The following CNOT10 variants were observed in gnomAD, a reference collection of about 807,000 sequenced individuals.
CNOT10 encodes the protein CCR4-NOT transcription complex, subunit 10.
Under a neutral mutation model 94.6 loss-of-function variants are expected in CNOT10, and 30 were observed. The ratio of observed to expected loss-of-function variants is 0.32; its 90% CI spans 0.24 to 0.43. The LOEUF is 0.43. CNOT10 is among the 20% of genes least tolerant of loss of function. The pLI is 1.00. For synonymous variants in CNOT10, 289 were observed against 301.6 expected, an observed-to-expected ratio of 0.96 and a Z score of 0.43; for missense variants, 759 against 877.2, an observed-to-expected ratio of 0.87 and a Z score of 1.70.
intron 5 of CNOT10, among the ~76,000 whole-genome samples, chr3:32,714,480 G>A (rs527932144): frequency 2.0e-5 from 3 of 151,482 alleles, no homozygotes; most frequent in East Asian, 1.9e-4. Flanking sequence ...AGTCCAAGGC[G>A]GGTGGATCAC....
In CNOT10 at chr3:32,731,630, C is replaced by T. The variant is rs141739329; in HGVS notation, c.1216-1793C>T. On this transcript the variant is annotated intron_variant, in intron 10 of 18. Coordinates refer to ENST00000328834, the MANE Select transcript of CNOT10 (RefSeq NM_015442.3). ...AGCTGGGACTATAGGCATGCATGAC[C>T]GCACTTGGCTAATTTTTGTATTTCT... Among the ~76,000 whole-genome samples the T allele has an allele frequency of 9.5e-3, 1,445 of 152,190 alleles. 29 individuals are homozygous for T. Among genetic ancestry groups the T allele is most frequent in the African/African-American group, 0.033 (1,363 of 41,528 alleles).
intron 13 of CNOT10, among the ~76,000 whole-genome samples, chr3:32,757,417 G>T (rs564939731): frequency 6.6e-6 from 1 of 152,152 alleles, no homozygotes; most frequent in South Asian, 2.1e-4. Context: ...AACCTCAGGT[G>T]ATCAGCCTGT....
chr3:32,727,913 C>A, intron 10 of CNOT10, 43 bp downstream of exon 10: 1 of 1,370,680 alleles, frequency 7.3e-7, no homozygotes, highest in Non-Finnish European at 1.0e-6. Context: ...GTCTTCTCCC[C>A]ACTTACTACA....
At chr3:32,739,920 C>T (rs972298653) in intron 13 of CNOT10, among the ~76,000 whole-genome samples, 3 of 152,004 alleles carry the variant, frequency 2.0e-5, no homozygotes, top group Non-Finnish European at 2.9e-5. Flanking sequence ...AGTGAAACTC[C>T]GTCTCGAAAG....
intron 5 of CNOT10, among the ~76,000 whole-genome samples, chr3:32,713,682 C>T (rs1182505689): frequency 1.3e-5 from 2 of 152,218 alleles, no homozygotes; most frequent in East Asian, 3.8e-4. Context: ...CAGCCCCAAG[C>T]AGCCGTTAAT....
At chr3:32,730,592 G>A (rs763614914) in intron 10 of CNOT10, 4 of 152,108 alleles carry the variant, frequency 2.6e-5, no homozygotes, top group Non-Finnish European at 5.9e-5. Context: ...AATAAAATCA[G>A]AGGACAAATC....
intron 10 of CNOT10, among the ~76,000 whole-genome samples, chr3:32,728,878 A>G (rs1031360578): frequency 2.0e-5 from 3 of 152,212 alleles, no homozygotes; most frequent in South Asian, 2.1e-4. Context: ...AGGCGGGTGG[A>G]TCACGAGGTC....
chr3:32,689,745 GGAGTTCAAGACCAGCCTAGGC>G (rs1559472840), intron 1 of CNOT10, among the ~76,000 whole-genome samples: 1 of 152,108 alleles, frequency 6.6e-6, no homozygotes, highest in Non-Finnish European at 1.5e-5. Flanking sequence ...CTTGAGGCCA[GGAGTTCAAGACCAGCCTAGGC>G]GACATAGCCA....
At chr3:32,716,413 A>G in intron 6 of CNOT10, 102 bp downstream of exon 6, 1 of 576,724 alleles carries the variant, frequency 1.7e-6, no homozygotes, top group Non-Finnish European at 3.1e-6. Context: ...CAATAATTCA[A>G]GGTGCATATA....
In CNOT10 at chr3:32,736,831, C is replaced by T. The variant is rs116840290; in HGVS notation, c.1515-579C>T. Among the ~76,000 whole-genome samples, 1,459 of 150,484 alleles carry T rather than the reference C, an allele frequency of 9.7e-3. 28 individuals are homozygous for T. The highest frequency in any genetic ancestry group is 0.033 in the African/African-American group (1,355 of 40,856). ...GGTAATTAGAATAATGAGAAATGCGCGAAAATATTCAGTTATTTCCCTTTT... is the reference window on the plus strand; with the variant it reads ...GGTAATTAGAATAATGAGAAATGCGTGAAAATATTCAGTTATTTCCCTTTT... On this transcript the variant is annotated intron_variant, in intron 12 of 18. Transcript: ENST00000328834.
chr3:32,762,889 A>C, intron 15 of CNOT10, 26 bp downstream of exon 15: 6 of 1,487,850 alleles, frequency 4.0e-6, no homozygotes, highest in Non-Finnish European at 4.4e-6. Context: ...TTTGATCAGA[A>C]CTGGTCACTG....
intron 1 of CNOT10, among the ~76,000 whole-genome samples, chr3:32,703,333 C>G (rs983008721): frequency 3.3e-5 from 5 of 152,130 alleles, no homozygotes; most frequent in Non-Finnish European, 7.3e-5. Flanking sequence ...CCACCTTTTC[C>G]TCAGAAGATA....
At chr3:32,694,347 C>G (rs778625980) in intron 1 of CNOT10, among the ~76,000 whole-genome samples, 19 of 151,878 alleles carry the variant, frequency 1.3e-4, no homozygotes, top group Non-Finnish European at 2.6e-4. Context: ...AATTAGACCT[C>G]CAAGTAGAAT....
intron 13 of CNOT10, among the ~76,000 whole-genome samples, chr3:32,737,781 A>C (rs1575266678): frequency 6.6e-6 from 1 of 151,560 alleles, no homozygotes; most frequent in Non-Finnish European, 1.5e-5. Flanking sequence ...GTGCCACTGC[A>C]CTCTAGCCTG....
intron 6 of CNOT10, among the ~76,000 whole-genome samples, chr3:32,716,839 A>G (rs1698147185): frequency 6.6e-6 from 1 of 152,012 alleles, no homozygotes; most frequent in Non-Finnish European, 1.5e-5. Flanking sequence ...TAGTAGAGAC[A>G]GGGTTTCATC....
chr3:32,696,455 T>A (rs1697074008), intron 1 of CNOT10, among the ~76,000 whole-genome samples: 1 of 152,146 alleles, frequency 6.6e-6, no homozygotes, highest in Non-Finnish European at 1.5e-5. Context: ...AAAATTTTCA[T>A]CCTGAAGTTA....
At chr3:32,736,791 G>A (rs1037184783) in intron 12 of CNOT10, among the ~76,000 whole-genome samples, 4 of 152,014 alleles carry the variant, frequency 2.6e-5, no homozygotes, top group African/African-American at 9.7e-5. Context: ...GAAAAGGCAG[G>A]GGTTGAGGGG....
At chr3:32,691,092 T>TTCAAGCGA (rs1696830326) in intron 1 of CNOT10, among the ~76,000 whole-genome samples, 1 of 148,854 alleles carries the variant, frequency 6.7e-6, no homozygotes, top group Non-Finnish European at 1.5e-5. Flanking sequence ...ATCTCCCGAG[T>TTCAAGCGA]TCAAGCGATT....
At chr3:32,741,956 TTTTTATTTTATTTTTTA>T (rs979547890) in intron 13 of CNOT10, among the ~76,000 whole-genome samples, 3 of 151,742 alleles carry the variant, frequency 2.0e-5, no homozygotes, top group Admixed American at 1.3e-4. Context: ...GTGTTGTAGG[TTTTTATTTTATTTTTTA>T]TTTTATTTTA....
Sources: allele counts gnomAD v4.1 joint callset (sites outside exome capture counted in the v4.1 genomes callset), GRCh38; gene constraint gnomAD v4.1.1; transcripts MANE v1.5; gene names NCBI Gene and HGNC (gene_info 2026-07-23, HGNC 2026-07-21).